The following ITSN2 variants were observed in gnomAD, a reference collection of about 807,000 sequenced individuals.
ITSN2 encodes intersectin 2.
A neutral mutation model predicts 243.7 loss-of-function variants in ITSN2; 156 were observed. The observed-to-expected ratio is 0.64, with a 90% CI of 0.56 to 0.73. The LOEUF (loss-of-function observed/expected upper bound fraction) is 0.73, where lower values mean the gene tolerates loss of function less well. Ranked by LOEUF, ITSN2 falls within the 30% of genes least tolerant of loss-of-function variation. ITSN2 has a pLI of 0.00. For synonymous variants in ITSN2, 703 were observed against 699.9 expected (o/e 1.00, Z -0.07); for missense variants, 1,801 against 1,996.1 (o/e 0.90, Z 1.86).
intron 1 of ITSN2, among the ~76,000 whole-genome samples, chr2:24,357,126 G>T (rs1688519912): frequency 6.6e-6 from 1 of 152,144 alleles, no homozygotes; most frequent in South Asian, 2.1e-4. Flanking sequence ...TCATTAATGG[G>T]TATATACCCA....
chr2:24,295,275 C>T (rs1680797690), intron 14 of ITSN2, among the ~76,000 whole-genome samples: 1 of 152,046 alleles, frequency 6.6e-6, no homozygotes, highest in Non-Finnish European at 1.5e-5. Flanking sequence ...AGGTTATTGA[C>T]CCCCAAAACA....
chr2:24,299,948 T>C lies in ITSN2; in HGVS notation c.1305A>G (p.Gln435=). ...RLEKQRELER[Q]REEERRKDIE... is the part of the protein sequence containing the mutation. ...TGTCTTTTCTCCTTTCTTCCTCTCG[T>C]TGTCTCTCCAATTCCCGTTGCTTCT... Residue 435 remains glutamine, a synonymous_variant, in exon 12 of 40, where the codon CAA becomes CAG. Transcript: ENST00000355123. 1.2e-6 allele frequency: 2 copies of C among 1,613,234 alleles called. No homozygotes were observed. Among genetic ancestry groups the C allele is most frequent in the Middle Eastern group, 1.7e-4 (1 of 6,060 alleles).
At chr2:24,325,241 G>T (rs533443101) in intron 2 of ITSN2, among the ~76,000 whole-genome samples, 1 of 151,748 alleles carries the variant, frequency 6.6e-6, no homozygotes, top group Non-Finnish European at 1.5e-5. Context: ...AGACCCCCAT[G>T]TCTACAAAAA....
intron 18 of ITSN2, among the ~76,000 whole-genome samples, chr2:24,274,930 A>C (rs188006990): frequency 2.2e-3 from 330 of 152,368 alleles, no homozygotes; most frequent in Middle Eastern, 6.8e-3. Context: ...TTAGAAAAAG[A>C]ATCTCAATGG....
chr2:24,305,602 G>GGAT (rs1682429652), intron 8 of ITSN2, among the ~76,000 whole-genome samples: 1 of 124,922 alleles, frequency 8.0e-6, no homozygotes, highest in Non-Finnish European at 1.7e-5. Flanking sequence ...AAAAAAAAAA[G>GGAT]GATCACCAAC....
rs776940337 is a variant in ITSN2 at position 24,313,423 on chromosome 2, C to G, written c.188+37G>C. ...CACTATATTACAAAAAAACAAAATA[C>G]TATCAGAAAATTAGGTTCATCTACA... On this transcript the variant is annotated intron_variant, in intron 4 of 39. Transcript: ENST00000355123. The G allele has an allele frequency of 6.4e-6, 10 of 1,556,934 alleles. No individual in the cohort carries two copies. The Admixed American group carries it at 1.8e-4, about 27-fold the overall frequency.
At chr2:24,220,746 C>T in intron 30 of ITSN2, 199 bp downstream of exon 30, 1 of 1,385,538 alleles carries the variant, frequency 7.2e-7, no homozygotes, top group Non-Finnish European at 9.3e-7. Context: ...TCATTAGAGA[C>T]TTTCAATCTC....
chr2:24,323,471 A>G (rs1684811681), intron 2 of ITSN2, among the ~76,000 whole-genome samples: 1 of 152,358 alleles, frequency 6.6e-6, no homozygotes, highest in East Asian at 1.9e-4. Flanking sequence ...CAGAAGCCAG[A>G]CACCAAAGGC....
intron 23 of ITSN2, among the ~76,000 whole-genome samples, chr2:24,257,478 A>G (rs1675211837): frequency 6.6e-6 from 1 of 150,768 alleles, no homozygotes; most frequent in South Asian, 2.1e-4. Context: ...TTTTTTTAAT[A>G]CGGGGTATCA....
At chr2:24,253,960 A>G (rs1481296558) in intron 24 of ITSN2, among the ~76,000 whole-genome samples, 3 of 152,222 alleles carry the variant, frequency 2.0e-5, no homozygotes, top group Non-Finnish European at 4.4e-5. Context: ...ATTCTTTGCA[A>G]TACTTATGAT....
chr2:24,265,861 G>A (rs1328527335), intron 20 of ITSN2, among the ~76,000 whole-genome samples: 1 of 152,106 alleles, frequency 6.6e-6, no homozygotes, highest in African/African-American at 2.4e-5. Context: ...AATATTACAT[G>A]GTTTAGAGGA....
At chr2:24,306,294 T>C (rs776585808) in intron 8 of ITSN2, among the ~76,000 whole-genome samples, 18 of 152,118 alleles carry the variant, frequency 1.2e-4, no homozygotes, top group Non-Finnish European at 1.9e-4. Context: ...TAATGAATTT[T>C]TACACAGGTA....
intron 2 of ITSN2, among the ~76,000 whole-genome samples, chr2:24,317,050 T>C (rs189023359): frequency 2.6e-5 from 4 of 152,310 alleles, no homozygotes; most frequent in South Asian, 2.1e-4. Flanking sequence ...AAAGAAGATA[T>C]AGACACTGGC....
At chr2:24,238,164 T>C (rs982982519) in intron 29 of ITSN2, among the ~76,000 whole-genome samples, 1 of 152,196 alleles carries the variant, frequency 6.6e-6, no homozygotes, top group South Asian at 2.1e-4. Flanking sequence ...TTCTCTGTAG[T>C]CCTTAAGTGC....
intron 30 of ITSN2, 193 bp downstream of exon 30, chr2:24,220,752 A>G (rs1410165093): frequency 3.6e-6 from 5 of 1,393,022 alleles, no homozygotes; most frequent in South Asian, 1.8e-5. Flanking sequence ...GAGACTTTCA[A>G]TCTCAAGCAT....
intron 1 of ITSN2, among the ~76,000 whole-genome samples, chr2:24,347,351 G>C (rs1410909247): frequency 6.6e-6 from 1 of 151,494 alleles, no homozygotes; most frequent in African/African-American, 2.4e-5. Context: ...CAAGGCTATA[G>C]GAGATAGGAT....
At position 24,204,275 on chromosome 2, in the gene ITSN2, G is replaced by C. The variant is rs570344889; in HGVS notation, c.4906C>G (p.Leu1636Val). The change falls in exon 39 of 40, where the codon CTG becomes GTG. Residue 1636 changes from leucine (L) to valine (V), a missense_variant. Leu to Val is a conservative substitution (Grantham distance 32, BLOSUM62 1). Coordinates refer to ENST00000355123, the MANE Select transcript of ITSN2 (RefSeq NM_006277.3). This position sits in a 1 kb window ranked among gnomAD's most constrained non-coding sequence, Gnocchi z 5.1. ...GGTGAAAACTGGTCTCTGTCAAACA[G>C]GGTGAGACACAGCACGTCTTGGTAG... ...DLYQDVLCLTLFDRDQFSPDD... is the reference protein window; with the variant it reads ...DLYQDVLCLTVFDRDQFSPDD... 6.2e-7 allele frequency: 1 copy of C among 1,614,140 alleles called. No individual in the cohort carries two copies. The highest frequency in any genetic ancestry group is 1.7e-5 in the Admixed American group (1 of 60,024).
At chr2:24,301,261 GT>G in intron 10 of ITSN2, 22 bp from the exon 11 acceptor site, 1 of 1,479,228 alleles carries the variant, frequency 6.8e-7, no homozygotes, top group Non-Finnish European at 9.4e-7. Context: ...AAACAACAAA[GT>G]TAGCATCATG....
At chr2:24,235,011 T>C (rs1007485394) in intron 29 of ITSN2, among the ~76,000 whole-genome samples, 18 of 152,156 alleles carry the variant, frequency 1.2e-4, no homozygotes, top group Non-Finnish European at 2.9e-5. Context: ...TCAAAGGAAA[T>C]GAAAACTTAT....
Sources: gnomAD v4.1 joint callset for allele counts (sites outside exome capture counted in the v4.1 genomes callset) on GRCh38, gnomAD v4.1.1 for gene constraint, Gnocchi (gnomAD v3.1) non-coding constraint, MANE v1.5 for transcripts, NCBI Gene and HGNC (gene_info 2026-07-23, HGNC 2026-07-21) for gene names.